CDH13: variants seen among roughly 807,000 people sequenced by gnomAD.
CDH13 encodes cadherin 13.
A neutral mutation model predicts 63.8 loss-of-function variants in CDH13; 24 were observed. That is an observed-to-expected ratio of 0.38 (90% CI 0.27 to 0.53). The LOEUF is 0.53. Among genes scored for constraint, CDH13 ranks in the 20% least tolerant of loss-of-function variants. The pLI is 0.85. For synonymous variants in CDH13, 503 were observed against 355.3 expected (o/e 1.42, Z -4.67); for missense variants, 1,049 against 903.1 (o/e 1.16, Z -2.07).
chr16:83,078,142 C>T (rs892340480), intron 3 of CDH13, among the ~76,000 whole-genome samples: 7 of 152,122 alleles, frequency 4.6e-5, no homozygotes, highest in Non-Finnish European at 7.3e-5. Context: ...GGGTCAACAT[C>T]GGCAGAGTTT....
At chr16:83,225,757 C>A (rs1011607747) in intron 5 of CDH13, among the ~76,000 whole-genome samples, 9 of 152,180 alleles carry the variant, frequency 5.9e-5, no homozygotes, top group Non-Finnish European at 8.8e-5. Context: ...GACCAGGTGT[C>A]AGTATGTTTA....
intron 1 of CDH13, among the ~76,000 whole-genome samples, chr16:82,854,255 G>A (rs1190958717): frequency 6.6e-6 from 1 of 152,006 alleles, no homozygotes; most frequent in Admixed American, 6.5e-5. Flanking sequence ...CAGAAAATTA[G>A]CTAGGCGTGG....
rs562971513 is a variant in CDH13 at position 82,648,397 on chromosome 16, A to G, written c.45+21260A>G. Among the ~76,000 whole-genome samples the G allele has an allele frequency of 3.9e-5, 6 of 152,346 alleles. No individual in the cohort carries two copies. In the South Asian group the frequency reaches 1.2e-3, roughly 32 times the overall value. On this transcript the variant is annotated intron_variant, in intron 1 of 13. Transcript: ENST00000567109. ...TAGTTGCCACATGCCTGACTCTCCT[A>G]AATGCTCTGCAAATAGGTTAGATTT...
At chr16:83,015,162 G>A (rs565473065) in intron 2 of CDH13, among the ~76,000 whole-genome samples, 2 of 151,894 alleles carry the variant, frequency 1.3e-5, no homozygotes, top group Non-Finnish European at 2.9e-5. Flanking sequence ...GCTAATCGGG[G>A]AAGTCAGGGC....
intron 7 of CDH13, among the ~76,000 whole-genome samples, chr16:83,583,299 C>T (rs566834973): frequency 5.3e-5 from 8 of 152,260 alleles, no homozygotes; most frequent in African/African-American, 1.9e-4. Context: ...AGATCACATT[C>T]GCAGGTACTG....
intron 2 of CDH13, among the ~76,000 whole-genome samples, chr16:82,866,899 C>T (rs754300765): frequency 1.3e-4 from 20 of 152,178 alleles, no homozygotes; most frequent in South Asian, 6.2e-4. Flanking sequence ...TGACCTCCCC[C>T]GATCTCTCCC....
chr16:83,531,869 G>C (rs954534750), intron 7 of CDH13, among the ~76,000 whole-genome samples: 1 of 152,184 alleles, frequency 6.6e-6, no homozygotes, highest in African/African-American at 2.4e-5. Flanking sequence ...CAACCTAACA[G>C]TTTGTGGTAA....
chr16:82,953,276 A>T (rs1567689464), intron 2 of CDH13: 1 of 152,194 alleles, frequency 6.6e-6, no homozygotes, highest in East Asian at 1.9e-4. Flanking sequence ...CAGAAAGGTT[A>T]TTGCCAAATA....
At chr16:83,549,932 A>G (rs964591035) in intron 7 of CDH13, among the ~76,000 whole-genome samples, 2 of 152,200 alleles carry the variant, frequency 1.3e-5, no homozygotes, top group African/African-American at 2.4e-5. Context: ...TATGCATGCC[A>G]GTCTTTCCCA....
At chr16:83,287,696 GTAA>G (rs1400728668) in intron 5 of CDH13, among the ~76,000 whole-genome samples, 1 of 151,092 alleles carries the variant, frequency 6.6e-6, no homozygotes, top group African/African-American at 2.5e-5. Flanking sequence ...GTATTATAAT[GTAA>G]TAATAATAGA....
chr16:82,900,084 G>A (rs1429118045), intron 2 of CDH13, among the ~76,000 whole-genome samples: 1 of 152,050 alleles, frequency 6.6e-6, no homozygotes, highest in Non-Finnish European at 1.5e-5. Flanking sequence ...AACTTACTTT[G>A]ACTTTTCCAA....
chr16:82,986,129 G>T (rs970019572), intron 2 of CDH13, among the ~76,000 whole-genome samples: 1 of 152,344 alleles, frequency 6.6e-6, no homozygotes, highest in East Asian at 1.9e-4. Context: ...TTGTAGAGAT[G>T]TTGTGGGACA....
intron 1 of CDH13, chr16:82,825,410 C>G (rs907220096): frequency 6.6e-6 from 1 of 151,958 alleles, no homozygotes; most frequent in Admixed American, 6.6e-5. Context: ...AGCAAAGTAC[C>G]TCATTCTTTT....
At chr16:83,228,531 G>C (rs533346259) in intron 5 of CDH13, among the ~76,000 whole-genome samples, 1 of 152,202 alleles carries the variant, frequency 6.6e-6, no homozygotes, top group African/African-American at 2.4e-5. Context: ...CTTGTGAGGA[G>C]GGTCATGTTA....
chr16:83,013,930 A>G (rs1325068315), intron 2 of CDH13, among the ~76,000 whole-genome samples: 13 of 152,192 alleles, frequency 8.5e-5, no homozygotes, highest in Admixed American at 7.9e-4. Flanking sequence ...CAGCTGTGTG[A>G]TAACAGAAAG....
chr16:83,178,855 AT>A (rs1417363786), intron 4 of CDH13, among the ~76,000 whole-genome samples: 1 of 152,104 alleles, frequency 6.6e-6, no homozygotes, highest in African/African-American at 2.4e-5. Context: ...CTGGCCTTGA[AT>A]CCTCCCAGTG....
intron 2 of CDH13, among the ~76,000 whole-genome samples, chr16:82,873,209 T>G (rs1308606912): frequency 2.6e-5 from 4 of 152,128 alleles, no homozygotes; most frequent in Non-Finnish European, 5.9e-5. Context: ...TGAGAGTGGG[T>G]TCTTCAGTTT....
chr16:83,633,355 C>T (rs1263834953), intron 8 of CDH13, among the ~76,000 whole-genome samples: 2 of 152,232 alleles, frequency 1.3e-5, no homozygotes, highest in South Asian at 2.1e-4. Flanking sequence ...GAAATTGTCA[C>T]ATTGCGTGCA....
At chr16:83,065,013 C>G (rs906669645) in intron 3 of CDH13, among the ~76,000 whole-genome samples, 1 of 152,094 alleles carries the variant, frequency 6.6e-6, no homozygotes, top group Admixed American at 6.6e-5. Flanking sequence ...CAGTCCCTCC[C>G]CTGCACCCCC....
Sources: gnomAD v4.1 joint callset for allele counts (sites outside exome capture counted in the v4.1 genomes callset) on GRCh38, gnomAD v4.1.1 for gene constraint, MANE v1.5 for transcripts, NCBI Gene and HGNC (gene_info 2026-07-23, HGNC 2026-07-21) for gene names.